PRRX1: variants seen among roughly 807,000 people sequenced by gnomAD.
The protein encoded by PRRX1 is paired mesoderm homeobox protein 1.
A neutral mutation model predicts 24.0 loss-of-function variants in PRRX1; 8 were observed. That is an observed-to-expected ratio of 0.33 (90% CI 0.20 to 0.60). PRRX1 has a LOEUF of 0.60. Ranked by LOEUF, PRRX1 falls within the 20% of genes least tolerant of loss-of-function variation. The pLI, the probability that PRRX1 is intolerant of heterozygous loss-of-function variation, is 0.82. For synonymous variants in PRRX1, 160 were observed against 131.7 expected (o/e 1.22, Z -1.47); for missense variants, 281 against 322.4 (o/e 0.87, Z 0.98).
At chr1:170,664,040 T>G, upstream of PRRX1, 2 of 547,564 alleles carry the variant, frequency 3.7e-6, no homozygotes, top group Non-Finnish European at 5.8e-6. Flanking sequence ...CCACCCTCTT[T>G]TCCAATTTTT....
intron 1 of PRRX1, among the ~76,000 whole-genome samples, chr1:170,707,052 T>C (rs1191500852): frequency 6.6e-6 from 1 of 151,062 alleles, no homozygotes; most frequent in Non-Finnish European, 1.5e-5. Context: ...TTGAGCCCAG[T>C]AAATGAGGTT....
chr1:170,697,922 A>G (rs1339830952), intron 1 of PRRX1, among the ~76,000 whole-genome samples: 1 of 150,672 alleles, frequency 6.6e-6, no homozygotes, highest in Middle Eastern at 3.2e-3. Context: ...TTGTATTATT[A>G]AAAGGCCTTT....
At position 170,715,996 on chromosome 1, in the gene PRRX1, T is replaced by C. The variant is rs1654892817; in HGVS notation, c.242-3730T>C. On this transcript the variant is annotated intron_variant, in intron 1 of 3. Transcript: ENST00000239461. ...AATTGGGAATCCTGGTTTCTTGCTCTGGCTGGAGGTCCCAAGTCCGCATTG... is the reference window on the plus strand; with the variant it reads ...AATTGGGAATCCTGGTTTCTTGCTCCGGCTGGAGGTCCCAAGTCCGCATTG... Among the ~76,000 whole-genome samples the C allele has an allele frequency of 3.9e-5, 6 of 152,232 alleles. No individual in the cohort carries two copies. The South Asian group carries it at 1.2e-3, about 32-fold the overall frequency.
At chr1:170,690,497 G>T (rs767449181) in intron 1 of PRRX1, among the ~76,000 whole-genome samples, 1 of 151,998 alleles carries the variant, frequency 6.6e-6, no homozygotes, top group Non-Finnish European at 1.5e-5. Flanking sequence ...TGTGTGGTGC[G>T]TATGAGAAAG....
rs1655700159 is a variant in PRRX1, at chr1:170,738,632, G to A, written c.*2446G>A. ...AGTAACTGGTGAACTTTGGAGGTTT[G>A]GAGCTTGAAGAGAATGGCTAAGAAG... On this transcript the variant is annotated 3_prime_UTR_variant, in exon 4 of 4. Coordinates refer to ENST00000239461, the MANE Select transcript of PRRX1 (RefSeq NM_022716.4). 4.4e-6 allele frequency: 1 copy of A among 228,996 alleles called. No individual in the cohort carries two copies. Among genetic ancestry groups the A allele is most frequent in the Admixed American group, 5.7e-5 (1 of 17,634 alleles). The allele number at this position is 228,996 out of a possible 1,614,324, so 14.2% of individuals were successfully genotyped here. A position where few individuals can be genotyped will look rare whatever the true frequency, so the allele number is the denominator to read the frequency against.
intron 1 of PRRX1, among the ~76,000 whole-genome samples, chr1:170,702,792 C>T (rs1654433444): frequency 6.6e-6 from 1 of 152,080 alleles, no homozygotes; most frequent in Admixed American, 6.6e-5. Flanking sequence ...GTTTTTAAAA[C>T]TTGGAAAGTG....
At chr1:170,686,156 T>A in intron 1 of PRRX1, among the ~76,000 whole-genome samples, 1 of 133,334 alleles carries the variant, frequency 7.5e-6, no homozygotes, top group Non-Finnish European at 1.6e-5. Context: ...AAAAAAAGCC[T>A]GATAGATCCT....
chr1:170,704,254 G>A (rs1317118811), intron 1 of PRRX1, among the ~76,000 whole-genome samples: 2 of 152,124 alleles, frequency 1.3e-5, no homozygotes, highest in African/African-American at 4.8e-5. Context: ...TGAAAGAAAG[G>A]CCTATATAAA....
At chr1:170,662,879 GA>G (rs1308275271), upstream of PRRX1, 1 of 152,122 alleles carries the variant, frequency 6.6e-6, no homozygotes, top group East Asian at 1.9e-4. Flanking sequence ...AACAAATCTG[GA>G]GGAGTTAATG....
chr1:170,677,919 T>G (rs1221948162), intron 1 of PRRX1, among the ~76,000 whole-genome samples: 2 of 152,226 alleles, frequency 1.3e-5, no homozygotes, highest in African/African-American at 4.8e-5. Context: ...CTATGACATA[T>G]GCTTGGGACA....
In PRRX1 at chr1:170,738,186, A is replaced by G. The variant is rs1655684588; in HGVS notation, c.*2000A>G. The G allele has an allele frequency of 9.0e-6, 2 of 222,648 alleles. No homozygotes were observed. Among genetic ancestry groups the G allele is most frequent in the Admixed American group, 5.7e-5 (1 of 17,408 alleles). 13.8% of individuals were successfully genotyped at this position (222,648 alleles called of 1,614,324 possible). A position where few individuals can be genotyped will look rare whatever the true frequency, so the allele number is the denominator to read the frequency against. On this transcript the variant is annotated 3_prime_UTR_variant, in exon 4 of 4. Coordinates refer to ENST00000239461, the MANE Select transcript of PRRX1 (RefSeq NM_022716.4). ...AAAAACTTTGGATCAATTTTGGTCA[A>G]ACATGCCAACTTTGTAGTCTGAGTG...
Position 170,736,809 on chromosome 1 carries a change from G to A in PRRX1, c.*623G>A, listed in dbSNP as rs1655623548. ...AGTTGTGCACAACATCTGCTCACTGGACTGTCTGATCCAATGTAATTGGCT... is the reference window on the plus strand; with the variant it reads ...AGTTGTGCACAACATCTGCTCACTGAACTGTCTGATCCAATGTAATTGGCT... On this transcript the variant is annotated 3_prime_UTR_variant, in exon 4 of 4. Coordinates refer to ENST00000239461, the MANE Select transcript of PRRX1 (RefSeq NM_022716.4). 1 of 192,552 alleles carries A rather than the reference G, an allele frequency of 5.2e-6. No homozygotes were observed. Among genetic ancestry groups the A allele is most frequent in the East Asian group, 8.0e-5 (1 of 12,480 alleles). 11.9% of individuals were successfully genotyped at this position (192,552 alleles called of 1,614,324 possible).
chr1:170,733,449 A>G (rs1236857356), intron 3 of PRRX1, among the ~76,000 whole-genome samples: 2 of 152,134 alleles, frequency 1.3e-5, no homozygotes, highest in African/African-American at 2.4e-5. Context: ...AGAAAATTAG[A>G]CCAAGTACTT....
intron 1 of PRRX1, among the ~76,000 whole-genome samples, chr1:170,718,283 G>A (rs1446290548): frequency 6.6e-6 from 1 of 152,202 alleles, no homozygotes; most frequent in Admixed American, 6.5e-5. Context: ...TGGTAAGGAA[G>A]CATTGATGAA....
At chr1:170,690,254 A>G (rs1021641175) in intron 1 of PRRX1, among the ~76,000 whole-genome samples, 2 of 152,132 alleles carry the variant, frequency 1.3e-5, no homozygotes, top group Admixed American at 1.3e-4. Context: ...AGAGATAGAC[A>G]TATGAACCCT....
At chr1:170,678,328 C>T (rs1653390671) in intron 1 of PRRX1, among the ~76,000 whole-genome samples, 1 of 152,206 alleles carries the variant, frequency 6.6e-6, no homozygotes, top group Admixed American at 6.5e-5. Context: ...ATCTCTCTGG[C>T]ATATGTGAGC....
intron 1 of PRRX1, among the ~76,000 whole-genome samples, chr1:170,704,222 A>G (rs1223497939): frequency 1.3e-4 from 20 of 152,258 alleles, no homozygotes; most frequent in Admixed American, 9.2e-4. Flanking sequence ...TAACATAAGT[A>G]AGTGAGGTGT....
In PRRX1 at chr1:170,690,973, G is replaced by A. The variant is rs568187642; in HGVS notation, c.241+26514G>A. Among the ~76,000 whole-genome samples the A allele has an allele frequency of 5.9e-5, 9 of 152,230 alleles. No individual in the cohort carries two copies. In the East Asian group the frequency reaches 7.7e-4, roughly 13 times the overall value. ...GCTTGATTCCAAAGAGAAGGTACTC[G>A]TGGTTTTATCTAGACAGACAAAAAG... On this transcript the variant is annotated intron_variant, in intron 1 of 3. Transcript: ENST00000239461.
At chr1:170,699,529 GA>G (rs1169038251) in intron 1 of PRRX1, among the ~76,000 whole-genome samples, 1 of 152,024 alleles carries the variant, frequency 6.6e-6, no homozygotes, top group Middle Eastern at 3.2e-3. Context: ...TGGGATTGGG[GA>G]AAGGCTTCCC....
Sources: gnomAD v4.1 joint callset for allele counts (sites outside exome capture counted in the v4.1 genomes callset) on GRCh38, gnomAD v4.1.1 for gene constraint, MANE v1.5 for transcripts, NCBI Gene and HGNC (gene_info 2026-07-23, HGNC 2026-07-21) for gene names.